The following PCDHGA4 variants were observed in gnomAD, a reference collection of about 807,000 sequenced individuals.
The protein encoded by PCDHGA4 is protocadherin gamma subfamily A, 4, also known as protocadherin gamma-A4.
PCDHGA4 carries 38 observed loss-of-function variants against 54.6 expected under a neutral mutation model. The ratio of observed to expected loss-of-function variants is 0.70; its 90% confidence interval spans 0.54 to 0.91. The LOEUF (loss-of-function observed/expected upper bound fraction) is 0.91, where lower values mean the gene tolerates loss of function less well. PCDHGA4 is among the 40% of genes least tolerant of loss of function. The probability of loss-of-function intolerance (pLI) is 0.00; values close to 1 mark genes in which losing one functional copy is unlikely to be tolerated. For synonymous variants in PCDHGA4, 511 were observed against 512.9 expected (o/e 1.00, Z 0.05); for missense variants, 1,298 against 1,220.9 (o/e 1.06, Z -0.94).
intron 1 of PCDHGA4, among the ~76,000 whole-genome samples, chr5:141,456,866 G>A (rs2098893781): frequency 6.6e-6 from 1 of 152,170 alleles, no homozygotes; most frequent in African/African-American, 2.4e-5. Flanking sequence ...GGGAGGCTGA[G>A]GCAGGAGAAT....
At chr5:141,385,294 G>C (rs1781091106) in intron 1 of PCDHGA4, 2 of 1,613,150 alleles carry the variant, frequency 1.2e-6, no homozygotes, top group Non-Finnish European at 1.7e-6. Context: ...AGATTTTCAG[G>C]AATGTAAAGA....
intron 1 of PCDHGA4, chr5:141,364,284 C>G: frequency 6.6e-7 from 1 of 1,517,046 alleles, no homozygotes; most frequent in South Asian, 1.4e-5. Context: ...AATAAGGAAA[C>G]AGCAGGCTGA....
intron 1 of PCDHGA4, chr5:141,390,412 C>A: frequency 8.3e-7 from 1 of 1,206,056 alleles, no homozygotes; most frequent in Admixed American, 2.5e-5. Flanking sequence ...AAGTTGTAGT[C>A]AGTTAAAAAG....
rs1014758036 is a variant in PCDHGA4 at position 141,486,472 on chromosome 5, T to C, written c.2515-8335T>C. The C allele has an allele frequency of 6.2e-7, 1 of 1,614,032 alleles. No homozygotes were observed. Among genetic ancestry groups the C allele is most frequent in the Non-Finnish European group, 8.5e-7 (1 of 1,179,862 alleles). ...TCACTGCTTCTGATGCTGGGAACCC[T>C]CCTCTCAGTACCCACAGAACTATTT... On this transcript the variant is annotated intron_variant, in intron 1 of 3. Coordinates refer to ENST00000571252, the MANE Select transcript of PCDHGA4 (RefSeq NM_018917.4). This position sits in a 1 kb window ranked among gnomAD's most constrained non-coding sequence, Gnocchi z 5.0.
chr5:141,384,719 T>A (rs758469916), intron 1 of PCDHGA4: 1 of 1,614,100 alleles, frequency 6.2e-7, no homozygotes, highest in Non-Finnish European at 8.5e-7. Context: ...CTGTCATACC[T>A]CCTGCTTAAG....
intron 1 of PCDHGA4, among the ~76,000 whole-genome samples, chr5:141,468,946 C>G: frequency 7.0e-6 from 1 of 141,900 alleles, no homozygotes; most frequent in Non-Finnish European, 1.5e-5. Context: ...ATGGGGTAAA[C>G]CTGTGGTTTT....
intron 1 of PCDHGA4, chr5:141,412,147 G>C (rs1447265509): frequency 6.6e-6 from 1 of 152,176 alleles, no homozygotes; most frequent in East Asian, 1.9e-4. Context: ...GATACAAACT[G>C]CCTAAGAGAA....
chr5:141,387,777 C>G, intron 1 of PCDHGA4: 1 of 1,453,750 alleles, frequency 6.9e-7, no homozygotes, highest in Non-Finnish European at 9.2e-7. Context: ...TTTTCTTGAA[C>G]TGGAACTGCA....
chr5:141,410,817 ATGTCACCAGACTGAAGATATTTTGTCTT>A, intron 1 of PCDHGA4: 1 of 524,252 alleles, frequency 1.9e-6, no homozygotes, highest in Non-Finnish European at 3.1e-6. Flanking sequence ...TTGTAAAATA[ATGTCACCAGACTGAAGATATTTTGTCTT>A]TGTCTTTTTT....
rs115262984 is a variant in PCDHGA4 at position 141,463,089 on chromosome 5, C to T, written c.2515-31718C>T. ...AATGAAATTCAAACATTTTCCAGCC[C>T]TATGTGACCATCAAGAATTCAGCTA... On this transcript the variant is annotated intron_variant, in intron 1 of 3. Coordinates refer to ENST00000571252, the MANE Select transcript of PCDHGA4 (RefSeq NM_018917.4). Among the ~76,000 whole-genome samples the T allele has an allele frequency of 2.5e-3, 374 of 152,264 alleles. 2 individuals are homozygous for T. Among genetic ancestry groups the T allele is most frequent in the African/African-American group, 8.7e-3 (360 of 41,552 alleles).
At chr5:141,374,646 G>C in intron 1 of PCDHGA4, 4 of 1,612,728 alleles carry the variant, frequency 2.5e-6, no homozygotes, top group Non-Finnish European at 3.4e-6. Flanking sequence ...GAAGCCCATG[G>C]GCCCAAGTAC....
intron 1 of PCDHGA4, chr5:141,402,901 T>C: frequency 1.3e-6 from 2 of 1,520,230 alleles, no homozygotes; most frequent in Non-Finnish European, 1.8e-6. Flanking sequence ...AAGAACCTGA[T>C]GAAGCAGCGC....
intron 1 of PCDHGA4, chr5:141,409,242 T>C (rs372196346): frequency 1.4e-5 from 22 of 1,613,864 alleles, no homozygotes; most frequent in Middle Eastern, 1.6e-4. Context: ...AGCCCAGAAA[T>C]AATCATCACT....
chr5:141,371,239 T>A (rs1319098085), intron 1 of PCDHGA4: 2 of 1,614,010 alleles, frequency 1.2e-6, no homozygotes, highest in East Asian at 2.2e-5. Flanking sequence ...TATGCCTTCA[T>A]CAATATTGGC....
At chr5:141,463,402 T>C (rs1214124103) in intron 1 of PCDHGA4, among the ~76,000 whole-genome samples, 1 of 149,978 alleles carries the variant, frequency 6.7e-6, no homozygotes, top group African/African-American at 2.5e-5. Context: ...GCAAAAAAAA[T>C]GGAGATCCTA....
At chr5:141,360,165 G>T in intron 1 of PCDHGA4, 1 of 1,607,726 alleles carries the variant, frequency 6.2e-7, no homozygotes. Flanking sequence ...GGTGCGGGCT[G>T]GTGCGGTGGC....
intron 1 of PCDHGA4, among the ~76,000 whole-genome samples, chr5:141,456,105 G>T (rs2098843517): frequency 6.6e-6 from 1 of 151,978 alleles, no homozygotes; most frequent in Non-Finnish European, 1.5e-5. Context: ...CACCGTGTTA[G>T]CCAGGATGGT....
chr5:141,355,560 G>A lies in PCDHGA4; in HGVS notation c.453G>A (p.Glu151=). The A allele has an allele frequency of 6.2e-7, 1 of 1,614,024 alleles. No individual in the cohort carries two copies. The highest frequency in any genetic ancestry group is 1.7e-5 in the Admixed American group (1 of 60,030). ...LEDTVKILRV[E]VEIIDVNDNP... ...ATACAGTGAAGATTTTGCGGGTAGA[G>A]GTGGAAATAATCGATGTTAATGATA... Residue 151 remains glutamate, a synonymous_variant, in exon 1 of 4, where the codon GAG becomes GAA. Transcript: ENST00000571252.
intron 1 of PCDHGA4, among the ~76,000 whole-genome samples, chr5:141,472,980 C>CAAAAAAAAAAAAAAAAGAAAAAAA (rs2099308501): frequency 2.3e-5 from 2 of 86,104 alleles, no homozygotes; most frequent in African/African-American, 7.8e-5. Flanking sequence ...GAGTGAAACT[C>CAAAAAAAAAAAAAAAAGAAAAAAA]AAAAAAAAAA....
Sources: gnomAD v4.1 joint callset for allele counts (sites outside exome capture counted in the v4.1 genomes callset) on GRCh38, gnomAD v4.1.1 for gene constraint, Gnocchi (gnomAD v3.1) non-coding constraint, MANE v1.5 for transcripts, NCBI Gene and HGNC (gene_info 2026-07-23, HGNC 2026-07-21) for gene names.